The following PCDHA12 variants were observed in gnomAD, a reference collection of about 807,000 sequenced individuals.
The protein encoded by PCDHA12 is protocadherin alpha 12.
PCDHA12 carries 44 observed loss-of-function variants against 60.0 expected under a neutral mutation model. The observed-to-expected ratio is 0.73, with a 90% CI of 0.58 to 0.94. The LOEUF is 0.94. PCDHA12 is among the 40% of genes least tolerant of loss of function. The pLI is 0.00. For missense variants in PCDHA12, 1,276 were observed against 1,239.7 expected (o/e 1.03, Z -0.44); for synonymous variants, 569 against 553.0 (o/e 1.03, Z -0.40).
At chr5:140,966,835 G>A in intron 1 of PCDHA12, 10 of 1,564,886 alleles carry the variant, frequency 6.4e-6, no homozygotes, top group Non-Finnish European at 7.8e-6. Flanking sequence ...TGCCCTGGCT[G>A]CTGCTACTGC....
rs782169362 is a variant in PCDHA12, at chr5:140,979,015, T to G, written c.2426+8T>G. Reference sequence around the variant, plus strand: ...GAGAGCAGGCATGCACAGGTATGTATTTCCCTCCTCATTCACTCAGAAGTA... The same window carrying G: ...GAGAGCAGGCATGCACAGGTATGTAGTTCCCTCCTCATTCACTCAGAAGTA... On this transcript the variant is annotated splice_region_variant and intron_variant, in intron 2 of 3. Transcript: ENST00000398631. 3 of 1,613,920 alleles carry G rather than the reference T, an allele frequency of 1.9e-6. No individual in the cohort carries two copies. The highest frequency in any genetic ancestry group is 2.5e-6 in the Non-Finnish European group (3 of 1,179,908).
intron 1 of PCDHA12, among the ~76,000 whole-genome samples, chr5:140,895,617 G>T (rs782388218): frequency 6.6e-6 from 1 of 152,084 alleles, no homozygotes; most frequent in Non-Finnish European, 1.5e-5. Context: ...CTCATTGAGG[G>T]TGTTGTCTTT....
chr5:141,009,545 A>G, intron 3 of PCDHA12, 82 bp from the exon 4 acceptor site: 2 of 1,535,938 alleles, frequency 1.3e-6, no homozygotes, highest in Non-Finnish European at 1.8e-6. Flanking sequence ...CTGCCTATGC[A>G]GTACTCCTGT....
intron 1 of PCDHA12, among the ~76,000 whole-genome samples, chr5:140,902,203 C>CTTTTTTT (rs148688132): frequency 6.4e-5 from 8 of 124,436 alleles, no homozygotes; most frequent in African/African-American, 9.3e-5. Flanking sequence ...CTCTCTCTTT[C>CTTTTTTT]TTTTTTTTTT....
At position 140,877,041 on chromosome 5, in the gene PCDHA12, A is replaced by G. The variant is rs782570873; in HGVS notation, c.1569A>G (p.Leu523=). The G allele has an allele frequency of 9.3e-6, 15 of 1,612,586 alleles. No homozygotes were observed. The highest frequency in any genetic ancestry group is 4.0e-5 in the African/African-American group (3 of 75,028). The change falls in exon 1 of 4, where the codon CTA becomes CTG. Residue 523 remains leucine (L), a synonymous_variant. Transcript: ENST00000398631. ...ESGKVYALQP[L]DHEELELLQF... is the part of the protein sequence containing the mutation. ...GCAAGGTGTACGCGCTGCAGCCGCT[A>G]GACCACGAGGAGCTGGAGCTGCTGC...
chr5:140,969,140 T>G, intron 1 of PCDHA12: 1 of 1,613,980 alleles, frequency 6.2e-7, no homozygotes, highest in Non-Finnish European at 8.5e-7. Flanking sequence ...CAAGACCTAC[T>G]GCTACAAGGC....
chr5:140,928,286 G>A (rs140714840), intron 1 of PCDHA12: 12 of 1,614,014 alleles, frequency 7.4e-6, no homozygotes, highest in Non-Finnish European at 9.3e-6. Flanking sequence ...GCCTCTCTAG[G>A]CCGAGTGTTT....
chr5:140,886,956 A>T (rs1007882657), intron 1 of PCDHA12, among the ~76,000 whole-genome samples: 1 of 152,090 alleles, frequency 6.6e-6, no homozygotes, highest in Non-Finnish European at 1.5e-5. Context: ...TTAGACATTT[A>T]GCAACGAAAT....
intron 2 of PCDHA12, among the ~76,000 whole-genome samples, chr5:140,980,822 T>A (rs1433488208): frequency 6.6e-6 from 1 of 152,204 alleles, no homozygotes; most frequent in Non-Finnish European, 1.5e-5. Flanking sequence ...ACATATTAAA[T>A]GAGTTGTGAA....
At chr5:140,935,767 T>C (rs1373324342) in intron 1 of PCDHA12, among the ~76,000 whole-genome samples, 2 of 152,184 alleles carry the variant, frequency 1.3e-5, no homozygotes, top group Non-Finnish European at 2.9e-5. Flanking sequence ...TCTTCCCCAC[T>C]TTGAGTTTTT....
At chr5:140,884,679 A>C (rs782535862) in intron 1 of PCDHA12, 12 of 1,551,914 alleles carry the variant, frequency 7.7e-6, no homozygotes, top group Non-Finnish European at 8.7e-6. Context: ...TTATATTTTA[A>C]AAAATTGTCT....
At chr5:140,928,321 A>C (rs1296238254) in intron 1 of PCDHA12, 2 of 1,614,044 alleles carry the variant, frequency 1.2e-6, no homozygotes, top group African/African-American at 2.7e-5. Context: ...CCTGGGGAAG[A>C]ATGGCCTTGT....
chr5:140,923,665 C>T (rs369836298), intron 1 of PCDHA12, among the ~76,000 whole-genome samples: 77 of 152,288 alleles, frequency 5.1e-4, no homozygotes, highest in African/African-American at 1.6e-3. Flanking sequence ...TTTGGGATAT[C>T]GTTCTCTCTT....
intron 1 of PCDHA12, among the ~76,000 whole-genome samples, chr5:140,943,312 A>G (rs1229555554): frequency 1.3e-5 from 2 of 150,890 alleles, no homozygotes; most frequent in African/African-American, 2.4e-5. Context: ...AGTCATTATT[A>G]GCAATATTGT....
chr5:140,943,603 G>A (rs1554215788), intron 1 of PCDHA12, among the ~76,000 whole-genome samples: 1 of 152,100 alleles, frequency 6.6e-6, no homozygotes, highest in African/African-American at 2.4e-5. Context: ...TCTAAATATA[G>A]ACTTTGATTC....
intron 1 of PCDHA12, among the ~76,000 whole-genome samples, chr5:140,931,648 T>G (rs1258876806): frequency 6.6e-6 from 1 of 152,014 alleles, no homozygotes; most frequent in African/African-American, 2.4e-5. Context: ...TGCTAATAAT[T>G]GTTGTGGGCT....
At chr5:140,965,880 A>G (rs1414604415) in intron 1 of PCDHA12, among the ~76,000 whole-genome samples, 1 of 152,190 alleles carries the variant, frequency 6.6e-6, no homozygotes, top group Non-Finnish European at 1.5e-5. Context: ...CTTGGCCGAG[A>G]GCAGAATTGA....
At chr5:140,986,532 C>G (rs1298199477) in intron 3 of PCDHA12, among the ~76,000 whole-genome samples, 2 of 152,184 alleles carry the variant, frequency 1.3e-5, no homozygotes, top group Non-Finnish European at 2.9e-5. Context: ...GGGAACTGGC[C>G]TGGCTTCAGT....
At chr5:140,933,630 C>T (rs2089281438) in intron 1 of PCDHA12, among the ~76,000 whole-genome samples, 1 of 151,952 alleles carries the variant, frequency 6.6e-6, no homozygotes, top group Admixed American at 6.6e-5. Flanking sequence ...TAGGCTGGCC[C>T]TGTTAAACAA....
Sources: allele counts gnomAD v4.1 joint callset (sites outside exome capture counted in the v4.1 genomes callset), GRCh38; gene constraint gnomAD v4.1.1; transcripts MANE v1.5; gene names NCBI Gene and HGNC (gene_info 2026-07-23, HGNC 2026-07-21).